ANKRD17: variants seen among roughly 807,000 people sequenced by gnomAD.
The protein encoded by ANKRD17 is ankyrin repeat domain-containing protein 17.
A neutral mutation model predicts 229.7 loss-of-function variants in ANKRD17; 19 were observed. The ratio of observed to expected loss-of-function variants is 0.08; its 90% CI spans 0.06 to 0.12. The LOEUF is 0.12. ANKRD17 is among the 10% of genes least tolerant of loss of function. The probability of loss-of-function intolerance (pLI) is 1.00; values close to 1 mark genes in which losing one functional copy is unlikely to be tolerated. For missense variants in ANKRD17, 2,176 were observed against 3,176.8 expected, an observed-to-expected ratio of 0.68 and a Z score of 7.57; for synonymous variants, 1,112 against 1,146.1, an observed-to-expected ratio of 0.97 and a Z score of 0.60.
intron 2 of ANKRD17, among the ~76,000 whole-genome samples, chr4:73,162,200 T>C (rs995679401): frequency 2.6e-5 from 4 of 151,988 alleles, no homozygotes; most frequent in African/African-American, 2.4e-5. Flanking sequence ...AGGTGTGCAC[T>C]ACCATGCTTG....
Position 73,137,720 on chromosome 4 carries a change from A to G in ANKRD17, c.3085+1811T>C, listed in dbSNP as rs181496965. Among the ~76,000 whole-genome samples the G allele has an allele frequency of 6.6e-5, 10 of 152,318 alleles. No homozygotes were observed. In the East Asian group the frequency reaches 1.9e-3, roughly 29 times the overall value. On this transcript the variant is annotated intron_variant, in intron 15 of 33. Transcript: ENST00000358602. ...TGTTTCTCTCCCCATAGAAATGAGC[A>G]TAATAAAAAAGTAAAATATTTTTGT...
intron 1 of ANKRD17, among the ~76,000 whole-genome samples, chr4:73,207,241 T>C (rs1739589236): frequency 6.6e-6 from 1 of 152,172 alleles, no homozygotes; most frequent in South Asian, 2.1e-4. Context: ...AAATATCATG[T>C]TGTACACCAA....
chr4:73,154,769 C>T (rs902267856), intron 5 of ANKRD17, among the ~76,000 whole-genome samples: 6 of 152,118 alleles, frequency 3.9e-5, no homozygotes, highest in Non-Finnish European at 5.9e-5. Context: ...GGGCCGGGCG[C>T]GGTGGCTCAC....
At chr4:73,121,575 T>C (rs1307099790) in intron 19 of ANKRD17, 42 bp downstream of exon 19, 10 of 1,608,576 alleles carry the variant, frequency 6.2e-6, no homozygotes, top group Non-Finnish European at 8.5e-6. Flanking sequence ...TCTATAACAG[T>C]CTTACTAAAT....
intron 2 of ANKRD17, among the ~76,000 whole-genome samples, chr4:73,167,601 C>T (rs1733404959): frequency 6.6e-6 from 1 of 152,146 alleles, no homozygotes; most frequent in African/African-American, 2.4e-5. Context: ...GAAACATTCC[C>T]TGCTCCTCTG....
chr4:73,102,335 T>C (rs1308985469), intron 25 of ANKRD17, 41 bp downstream of exon 25: 4 of 1,545,202 alleles, frequency 2.6e-6, no homozygotes, highest in Non-Finnish European at 3.5e-6. Context: ...TAATTTTAAC[T>C]AGAATATAAA....
chr4:73,204,222 G>T (rs1042504812), intron 1 of ANKRD17, among the ~76,000 whole-genome samples: 10 of 151,384 alleles, frequency 6.6e-5, no homozygotes, highest in Non-Finnish European at 1.3e-4. Flanking sequence ...TTAGCCAGGC[G>T]TGGTGGCGGG....
intron 1 of ANKRD17, among the ~76,000 whole-genome samples, chr4:73,191,897 G>C (rs1019769590): frequency 1.3e-5 from 2 of 151,936 alleles, no homozygotes; most frequent in African/African-American, 4.8e-5. Flanking sequence ...AAAAATACTT[G>C]CACATGTAAG....
intron 1 of ANKRD17, among the ~76,000 whole-genome samples, chr4:73,231,172 G>A (rs1318160229): frequency 6.6e-6 from 1 of 151,990 alleles, no homozygotes; most frequent in Non-Finnish European, 1.5e-5. Flanking sequence ...GAGGTCTAGG[G>A]GACCTGGGGA....
At chr4:73,157,341 T>C (rs900757495) in intron 3 of ANKRD17, among the ~76,000 whole-genome samples, 2 of 152,202 alleles carry the variant, frequency 1.3e-5, no homozygotes, top group East Asian at 1.9e-4. Context: ...ACAATCAAAT[T>C]TGGGGGGAAG....
rs1458683588 is a variant in ANKRD17, at chr4:73,146,753, A to G, written c.1869+11T>C. ...GTTAAATATTAAGATTTAAAAAGTA[A>G]CATAGCTTACCAGATCTGCGCCTGC... On this transcript the variant is annotated intron_variant, in intron 10 of 33. Transcript: ENST00000358602. The G allele has an allele frequency of 1.9e-6, 3 of 1,563,944 alleles. No individual in the cohort carries two copies. Among genetic ancestry groups the G allele is most frequent in the Non-Finnish European group, 2.6e-6 (3 of 1,144,410 alleles).
chr4:73,148,704 A>G, intron 8 of ANKRD17, 109 bp downstream of exon 8: 1 of 954,344 alleles, frequency 1.0e-6, no homozygotes, highest in South Asian at 1.6e-5. Flanking sequence ...TTTGTGTAAT[A>G]GCTCATTGCA....
At chr4:73,113,770 C>T in intron 24 of ANKRD17, 22 bp downstream of exon 24, 10 of 1,556,084 alleles carry the variant, frequency 6.4e-6, no homozygotes, top group Non-Finnish European at 8.9e-6. Context: ...GGGTAGTTTT[C>T]ATGTGTAAAG....
chr4:73,125,457 G>A (rs952477785), intron 16 of ANKRD17, 145 bp from the exon 17 acceptor site: 37 of 658,580 alleles, frequency 5.6e-5, no homozygotes, highest in Non-Finnish European at 6.8e-5. Flanking sequence ...GTTTATGGAC[G>A]GGCGTGGTGG....
At chr4:73,139,456 C>A in intron 15 of ANKRD17, 75 bp downstream of exon 15, 2 of 1,516,622 alleles carry the variant, frequency 1.3e-6, no homozygotes, top group Non-Finnish European at 1.8e-6. Flanking sequence ...TGGGTAACGG[C>A]AAAAAATTTG....
In ANKRD17 at chr4:73,098,166, A is replaced by G. The variant is rs569635073; in HGVS notation, c.4928T>C (p.Val1643Ala). The change falls in exon 26 of 34, where the codon GTC becomes GCC. Residue 1643 changes from valine to alanine, a missense_variant. Coordinates refer to ENST00000358602, the MANE Select transcript of ANKRD17 (RefSeq NM_032217.5). Reference protein sequence around the residue: ...RKSDNHSPAVVTTTVSSKKQP... With the variant: ...RKSDNHSPAVATTTVSSKKQP... ...CTTTTTGCTGCTCACAGTGGTAGTG[A>G]CCACAGCTGGTGAATGATTGTCACT... The G allele has an allele frequency of 1.5e-5, 24 of 1,614,200 alleles. No individual in the cohort carries two copies. In the South Asian group the frequency reaches 2.6e-4, roughly 18 times the overall value.
intron 27 of ANKRD17, among the ~76,000 whole-genome samples, chr4:73,096,041 A>G (rs1013810168): frequency 6.6e-5 from 10 of 152,224 alleles, no homozygotes; most frequent in African/African-American, 2.4e-4. Context: ...AATACAGTAT[A>G]AAGTTCTCAA....
intron 1 of ANKRD17, among the ~76,000 whole-genome samples, chr4:73,208,033 A>G (rs1286228119): frequency 6.6e-6 from 1 of 152,030 alleles, no homozygotes; most frequent in Admixed American, 6.5e-5. Context: ...CTAAAAATAC[A>G]AAAAAATTCT....
chr4:73,105,601 C>T (rs988359954), intron 24 of ANKRD17, among the ~76,000 whole-genome samples: 12 of 151,598 alleles, frequency 7.9e-5, no homozygotes, highest in Admixed American at 7.9e-4. Context: ...GCTTTGTGAA[C>T]TGAAAAGAAA....
Sources: gnomAD v4.1 joint callset for allele counts (sites outside exome capture counted in the v4.1 genomes callset) on GRCh38, gnomAD v4.1.1 for gene constraint, MANE v1.5 for transcripts, NCBI Gene and HGNC (gene_info 2026-07-23, HGNC 2026-07-21) for gene names.